Variants in SLC35D1 observed in about 807,000 individuals in gnomAD.
SLC35D1 encodes the protein nucleotide sugar transporter SLC35D1.
In SLC35D1, 31 loss-of-function variants were observed where a neutral mutation model predicts 46.7. The observed-to-expected ratio is 0.66, with a 90% CI of 0.50 to 0.90. The LOEUF is 0.90. Among genes scored for constraint, SLC35D1 ranks in the 40% least tolerant of loss-of-function variants. The probability of loss-of-function intolerance (pLI) is 0.00; values close to 1 mark genes in which losing one functional copy is unlikely to be tolerated. For missense variants in SLC35D1, 397 were observed against 426.2 expected (o/e 0.93, Z 0.60); for synonymous variants, 195 against 164.6 (o/e 1.18, Z -1.41).
chr1:67,042,651 C>T (rs568821416), intron 7 of SLC35D1, among the ~76,000 whole-genome samples: 1 of 152,300 alleles, frequency 6.6e-6, no homozygotes, highest in East Asian at 1.9e-4. Context: ...CATACACACA[C>T]ACACAAACAC....
chr1:67,014,668 T>C (rs977067730), intron 10 of SLC35D1, among the ~76,000 whole-genome samples: 1 of 114,912 alleles, frequency 8.7e-6, no homozygotes, highest in Non-Finnish European at 1.7e-5. Flanking sequence ...CTTCAATTTT[T>C]AGTTTTTTTT....
chr1:66,978,128 G>T, the SLC35D1 span, among the ~76,000 whole-genome samples: 1 of 151,498 alleles, frequency 6.6e-6, no homozygotes, highest in African/African-American at 2.4e-5. Context: ...CCCAGGAGGC[G>T]GAGGTTGCAG....
Position 67,021,610 on chromosome 1 carries a change from A to G in SLC35D1, c.730-8T>C, listed in dbSNP as rs138429988. Reference sequence around the variant, plus strand: ...GCCTTCAAACTCCACAGCCTGCAACACACAAGAAAGCATTAAATTTTAGAC... The same window carrying G: ...GCCTTCAAACTCCACAGCCTGCAACGCACAAGAAAGCATTAAATTTTAGAC... On this transcript the variant is annotated splice_polypyrimidine_tract_variant and splice_region_variant and intron_variant, in intron 8 of 11. Transcript: ENST00000235345. 3.4e-4 allele frequency: 551 copies of G among 1,613,908 alleles called. 4 individuals carry two copies. The African/African-American group carries it at 6.9e-3, about 20-fold the overall frequency.
chr1:67,029,373 G>C (rs1359835017), intron 8 of SLC35D1, among the ~76,000 whole-genome samples: 1 of 152,198 alleles, frequency 6.6e-6, no homozygotes, highest in East Asian at 1.9e-4. Context: ...ATGAATGGAA[G>C]ACATGAGAAC....
In SLC35D1 at chr1:67,031,343, A is replaced by T. The variant is rs954088537; in HGVS notation, c.730-9741T>A. ...AGCCATTTGAAAGTACAGCTGTAGG[A>T]AAAACAGAACCCTGGCAGTCCCTAC... On this transcript the variant is annotated intron_variant, in intron 8 of 11. Coordinates refer to ENST00000235345, the MANE Select transcript of SLC35D1 (RefSeq NM_015139.3). Among the ~76,000 whole-genome samples, 6 of 152,294 alleles carry T rather than the reference A, an allele frequency of 3.9e-5. No individual in the cohort carries two copies. The South Asian group carries it at 8.3e-4, about 21-fold the overall frequency.
chr1:67,048,642 A>G (rs1023321316), intron 6 of SLC35D1, among the ~76,000 whole-genome samples: 1 of 152,226 alleles, frequency 6.6e-6, no homozygotes, highest in Non-Finnish European at 1.5e-5. Context: ...TTCAAGAAGT[A>G]CACTGGAACT....
chr1:67,015,160 TAAAAAAAA>T (rs140508453), intron 10 of SLC35D1, among the ~76,000 whole-genome samples: 2 of 85,398 alleles, frequency 2.3e-5, no homozygotes, highest in African/African-American at 5.3e-5. Context: ...TGTGTTTTTG[TAAAAAAAA>T]AAAAAAAAAA....
chr1:67,020,987 T>G (rs1043224080), intron 9 of SLC35D1, among the ~76,000 whole-genome samples: 2 of 152,274 alleles, frequency 1.3e-5, no homozygotes, highest in East Asian at 3.9e-4. Context: ...AACTTTATTT[T>G]GAAGCACCTG....
intron 8 of SLC35D1, among the ~76,000 whole-genome samples, chr1:67,030,622 A>G (rs1413224386): frequency 6.6e-6 from 1 of 152,102 alleles, no homozygotes; most frequent in Non-Finnish European, 1.5e-5. Flanking sequence ...TCAGTGGTTC[A>G]GTAATCAGAA....
rs1217400225 is a variant in SLC35D1, at chr1:67,003,520, C to T, written c.*820G>A. The T allele has an allele frequency of 1.3e-5, 2 of 152,326 alleles. No individual in the cohort carries two copies. The highest frequency in any genetic ancestry group is 1.5e-5 in the Non-Finnish European group (1 of 68,072). 9.4% of individuals were successfully genotyped at this position (152,326 alleles called of 1,614,324 possible). Reference sequence around the variant, plus strand: ...AGATTAACAGAGCTAAATTCTCAACCTTACCTGAGTCACTATGGCAGGAGT... The same window carrying T: ...AGATTAACAGAGCTAAATTCTCAACTTTACCTGAGTCACTATGGCAGGAGT... On this transcript the variant is annotated 3_prime_UTR_variant, in exon 12 of 12. Coordinates refer to ENST00000235345, the MANE Select transcript of SLC35D1 (RefSeq NM_015139.3).
intron 10 of SLC35D1, among the ~76,000 whole-genome samples, chr1:67,017,134 A>G (rs1264880319): frequency 6.6e-6 from 1 of 152,180 alleles, no homozygotes; most frequent in Non-Finnish European, 1.5e-5. Context: ...AACTAATCTA[A>G]GAAGAGCCTA....
chr1:67,052,005 T>C lies in SLC35D1; in HGVS notation c.392+7A>G, dbSNP rs778524919. 5 of 1,576,950 alleles carry C rather than the reference T, an allele frequency of 3.2e-6. No homozygotes were observed. The South Asian group carries it at 4.4e-5, about 14-fold the overall frequency. On this transcript the variant is annotated splice_region_variant and intron_variant, in intron 4 of 11. Coordinates refer to ENST00000235345, the MANE Select transcript of SLC35D1 (RefSeq NM_015139.3). ...TAACCTCACTAGTAAAATAAAGTTA[T>C]CCATACTTCAGTTTCTTTGTGCTGA... is the stretch of plus-strand genomic sequence containing the variant.
chr1:67,011,026 TA>T (rs1261697870), intron 10 of SLC35D1, among the ~76,000 whole-genome samples: 2 of 152,170 alleles, frequency 1.3e-5, no homozygotes, highest in Non-Finnish European at 2.9e-5. Context: ...CAAGGGCTGC[TA>T]CCTGTGAGGT....
At position 67,004,844 on chromosome 1, in the gene SLC35D1, G is replaced by T. The variant is rs542670459; in HGVS notation, c.960-396C>A. 7.2e-3 allele frequency among the ~76,000 whole-genome samples: 1,099 copies of T among 151,964 alleles called. 5 individuals carry two copies. The highest frequency in any genetic ancestry group is 0.012 in the Non-Finnish European group (824 of 67,922). ...GGTAAATTTTTACTTGTATTTTTTT[G>T]CATTTCGAAAAATAGGCATTAATAG... On this transcript the variant is annotated intron_variant, in intron 11 of 11. Coordinates refer to ENST00000235345, the MANE Select transcript of SLC35D1 (RefSeq NM_015139.3).
At chr1:67,022,289 C>A (rs1466863121) in intron 8 of SLC35D1, among the ~76,000 whole-genome samples, 1 of 152,166 alleles carries the variant, frequency 6.6e-6, no homozygotes, top group Non-Finnish European at 1.5e-5. Context: ...GACAAACATT[C>A]CACCTTTTTA....
intron 10 of SLC35D1, among the ~76,000 whole-genome samples, chr1:67,014,670 G>GTTTTTTTTTTTTT (rs34459732): frequency 2.0e-5 from 2 of 99,974 alleles, no homozygotes; most frequent in African/African-American, 3.8e-5. Context: ...TCAATTTTTA[G>GTTTTTTTTTTTTT]TTTTTTTTTT....
chr1:67,012,614 T>C (rs1339048061), intron 10 of SLC35D1, among the ~76,000 whole-genome samples: 1 of 151,354 alleles, frequency 6.6e-6, no homozygotes, highest in African/African-American at 2.4e-5. Flanking sequence ...AGGTCACATT[T>C]TTTTTTAGAA....
chr1:66,977,516 ACT>A, the SLC35D1 span, among the ~76,000 whole-genome samples: 1 of 152,144 alleles, frequency 6.6e-6, no homozygotes, highest in African/African-American at 2.4e-5. Flanking sequence ...TAGTAATGTA[ACT>A]CTAGTGTAGT....
At chr1:67,025,633 G>A (rs1667900590) in intron 8 of SLC35D1, among the ~76,000 whole-genome samples, 1 of 152,224 alleles carries the variant, frequency 6.6e-6, no homozygotes, top group Non-Finnish European at 1.5e-5. Context: ...TTGGGGTGGT[G>A]TTGAATCTAT....
Sources: gnomAD v4.1 joint callset for allele counts (sites outside exome capture counted in the v4.1 genomes callset) on GRCh38, gnomAD v4.1.1 for gene constraint, MANE v1.5 for transcripts, NCBI Gene and HGNC (gene_info 2026-07-23, HGNC 2026-07-21) for gene names.